BNC2: variants seen among roughly 807,000 people sequenced by gnomAD.
BNC2 encodes zinc finger protein basonuclin-2.
A neutral mutation model predicts 76.3 loss-of-function variants in BNC2; 20 were observed. That is an observed-to-expected ratio of 0.26 (90% CI 0.18 to 0.38). The LOEUF (loss-of-function observed/expected upper bound fraction) is 0.38. Ranked by LOEUF, BNC2 falls within the 10% of genes least tolerant of loss-of-function variation. The probability of loss-of-function intolerance (pLI) is 1.00; values close to 1 mark genes in which losing one functional copy is unlikely to be tolerated. For missense variants in BNC2, 1,382 were observed against 1,399.8 expected, an observed-to-expected ratio of 0.99 and a Z score of 0.20; for synonymous variants, 582 against 514.8, an observed-to-expected ratio of 1.13 and a Z score of -1.77.
Position 16,413,406 on chromosome 9 carries a change from T to C in BNC2, c.*5583A>G, listed in dbSNP as rs1044634383. The C allele has an allele frequency of 2.0e-5, 3 of 151,474 alleles. No individual in the cohort carries two copies. The South Asian group carries it at 6.2e-4, about 31-fold the overall frequency. 9.4% of individuals were successfully genotyped at this position (151,474 alleles called of 1,614,324 possible). ...GTTATTTGGATTTGGATTAAAATCA[T>C]TTGGATTAAAAAAGATTTGGATTAA... is the stretch of plus-strand genomic sequence containing the variant. On this transcript the variant is annotated 3_prime_UTR_variant, in exon 7 of 7. Transcript: ENST00000380672.
intron 3 of BNC2, among the ~76,000 whole-genome samples, chr9:16,658,828 ACC>A (rs901183030): frequency 2.0e-5 from 3 of 151,904 alleles, no homozygotes; most frequent in East Asian, 1.9e-4. Context: ...TTATGCCCAC[ACC>A]CCCCACCCAA....
chr9:16,576,564 G>A (rs1163294260), intron 4 of BNC2, among the ~76,000 whole-genome samples: 1 of 152,170 alleles, frequency 6.6e-6, no homozygotes, highest in Non-Finnish European at 1.5e-5. Context: ...CATAGACTGG[G>A]ACAAATAATA....
chr9:16,587,944 A>AT (rs1020084673), intron 3 of BNC2, among the ~76,000 whole-genome samples: 1 of 152,124 alleles, frequency 6.6e-6, no homozygotes, highest in African/African-American at 2.4e-5. Flanking sequence ...TGTGAATATT[A>AT]TATTTATTGG....
chr9:16,474,100 T>A (rs1321152044), intron 5 of BNC2, among the ~76,000 whole-genome samples: 1 of 152,172 alleles, frequency 6.6e-6, no homozygotes, highest in African/African-American at 2.4e-5. Context: ...ATGTAGCATT[T>A]GCTTTAAAGT....
At chr9:16,839,617 A>G (rs914677892) in intron 1 of BNC2, among the ~76,000 whole-genome samples, 2 of 152,164 alleles carry the variant, frequency 1.3e-5, no homozygotes, top group Non-Finnish European at 2.9e-5. Context: ...CTCTCGGACC[A>G]ACGATTTCAT....
At chr9:16,717,515 G>C (rs1266489258) in intron 3 of BNC2, among the ~76,000 whole-genome samples, 1 of 152,154 alleles carries the variant, frequency 6.6e-6, no homozygotes, top group Non-Finnish European at 1.5e-5. Flanking sequence ...CTACCATGAT[G>C]TGATGACCAA....
chr9:16,518,565 C>CATAT (rs558357472), intron 5 of BNC2, among the ~76,000 whole-genome samples: 70 of 138,926 alleles, frequency 5.0e-4, no homozygotes, highest in African/African-American at 1.9e-3. Flanking sequence ...GTGCAAAAGT[C>CATAT]ATATATATAT....
intron 5 of BNC2, among the ~76,000 whole-genome samples, chr9:16,495,717 C>T (rs1251130722): frequency 6.6e-6 from 1 of 152,100 alleles, no homozygotes; most frequent in Non-Finnish European, 1.5e-5. Context: ...GGCCCAGTGG[C>T]TGGGGCTTAG....
At chr9:16,826,801 C>T (rs1586915499) in intron 1 of BNC2, among the ~76,000 whole-genome samples, 1 of 151,984 alleles carries the variant, frequency 6.6e-6, no homozygotes, top group Non-Finnish European at 1.5e-5. Context: ...AGCCTAAAGA[C>T]AGATGAAATG....
intron 3 of BNC2, among the ~76,000 whole-genome samples, chr9:16,686,152 C>T (rs1348442424): frequency 6.6e-6 from 1 of 151,932 alleles, no homozygotes; most frequent in Non-Finnish European, 1.5e-5. Context: ...AGGCAGACTT[C>T]TATTTATCAA....
At chr9:16,734,821 G>A (rs1358904477) in intron 2 of BNC2, among the ~76,000 whole-genome samples, 1 of 152,166 alleles carries the variant, frequency 6.6e-6, no homozygotes, top group Non-Finnish European at 1.5e-5. Context: ...GAGGAAAATA[G>A]GCCTTCTAAC....
intron 3 of BNC2, among the ~76,000 whole-genome samples, chr9:16,647,934 A>G (rs1319312426): frequency 6.6e-6 from 1 of 152,190 alleles, no homozygotes. Flanking sequence ...AATTTTATAC[A>G]TTAACAAAAA....
chr9:16,796,663 AAGAAAAGAAG>A (rs1817662475), intron 1 of BNC2, among the ~76,000 whole-genome samples: 2 of 152,066 alleles, frequency 1.3e-5, no homozygotes, highest in Non-Finnish European at 2.9e-5. Flanking sequence ...AAAAAAAAGA[AAGAAAAGAAG>A]AGAAAAGAAA....
intron 5 of BNC2, among the ~76,000 whole-genome samples, chr9:16,474,219 C>T (rs971741806): frequency 6.6e-6 from 1 of 152,158 alleles, no homozygotes; most frequent in Non-Finnish European, 1.5e-5. Context: ...ATTATACATC[C>T]TAATTGAAAA....
Position 16,437,110 on chromosome 9 carries a change from C to T in BNC2, c.1084G>A (p.Glu362Lys). The stretch of plus-strand genomic sequence containing the variant: ...TCGGATTCGCTGCTCTCATTATATT[C>T]ATTCTGAGTTGAAAGGCTGGGTTCC... ...LREPSLSTQNEYNESSESEVS... is the reference protein window; with the variant it reads ...LREPSLSTQNKYNESSESEVS... Residue 362 changes from glutamate to lysine, a missense_variant, in exon 6 of 7, where the codon GAA (glutamate) becomes AAA (lysine). Physicochemically the swap from Glu to Lys is moderately conservative, Grantham distance 56. This residue lies in a region of BNC2 where 557 missense variants were observed against 540.9 expected (regional missense o/e 1.03). Transcript: ENST00000380672. The T allele has an allele frequency of 6.2e-7, 1 of 1,614,146 alleles. No homozygotes were observed. The highest frequency in any genetic ancestry group is 1.1e-5 in the South Asian group (1 of 91,082).
intron 1 of BNC2, among the ~76,000 whole-genome samples, chr9:16,791,849 C>T (rs937130458): frequency 1.2e-4 from 18 of 152,072 alleles, no homozygotes; most frequent in African/African-American, 4.1e-4. Context: ...ACACCTGTAA[C>T]CCCATCACTT....
chr9:16,805,607 C>T (rs886526517), intron 1 of BNC2, among the ~76,000 whole-genome samples: 2 of 152,040 alleles, frequency 1.3e-5, no homozygotes, highest in Non-Finnish European at 2.9e-5. Flanking sequence ...GGATTACAGG[C>T]GTGAGCCACT....
intron 5 of BNC2, 129 bp downstream of exon 5, chr9:16,552,401 G>A (rs1157556364): frequency 3.8e-6 from 3 of 782,602 alleles, no homozygotes; most frequent in Non-Finnish European, 6.6e-6. Context: ...TCCCTGACAA[G>A]CCTGCTGAAA....
At chr9:16,775,057 C>G (rs1825927117) in intron 1 of BNC2, among the ~76,000 whole-genome samples, 2 of 152,112 alleles carry the variant, frequency 1.3e-5, no homozygotes. Flanking sequence ...CAGTTGTTTT[C>G]AAAGTAGTGT....
Sources: allele counts gnomAD v4.1 joint callset (sites outside exome capture counted in the v4.1 genomes callset), GRCh38; gene constraint gnomAD v4.1.1; regional missense constraint gnomAD v4.1.1; transcripts MANE v1.5; gene names NCBI Gene and HGNC (gene_info 2026-07-23, HGNC 2026-07-21).